GPD2: variants seen among roughly 807,000 people sequenced by gnomAD.
The protein encoded by GPD2 is glycerol-3-phosphate dehydrogenase 2.
In GPD2, 54 loss-of-function variants were observed where a neutral mutation model predicts 82.4. The ratio of observed to expected loss-of-function variants is 0.66; its 90% confidence interval spans 0.53 to 0.82. The LOEUF is 0.82. Among genes scored for constraint, GPD2 ranks in the 40% least tolerant of loss-of-function variants. The pLI is 0.00. For synonymous variants in GPD2, 288 were observed against 306.1 expected (o/e 0.94, Z 0.62); for missense variants, 748 against 896.2 (o/e 0.83, Z 2.11).
At chr2:156,537,036 C>T (rs1055356499) in intron 6 of GPD2, among the ~76,000 whole-genome samples, 1 of 152,180 alleles carries the variant, frequency 6.6e-6, no homozygotes, top group African/African-American at 2.4e-5. Context: ...TCTAGTTCAA[C>T]TAGGAGCACA....
intron 3 of GPD2, among the ~76,000 whole-genome samples, chr2:156,503,773 G>A (rs1223650179): frequency 6.6e-6 from 1 of 152,118 alleles, no homozygotes. Context: ...AGTTTTAATA[G>A]TTAACATTGT....
chr2:156,574,226 AC>A (rs113042541), intron 13 of GPD2, among the ~76,000 whole-genome samples: 8 of 152,138 alleles, frequency 5.3e-5, no homozygotes, highest in African/African-American at 1.7e-4. Flanking sequence ...AAAAAAAAAA[AC>A]ATTGCCAAAT....
At chr2:156,467,736 A>G (rs1683197270) in intron 1 of GPD2, among the ~76,000 whole-genome samples, 1 of 152,212 alleles carries the variant, frequency 6.6e-6, no homozygotes, top group African/African-American at 2.4e-5. Context: ...ACAACAACAA[A>G]AGAGGAGAAT....
intron 6 of GPD2, among the ~76,000 whole-genome samples, chr2:156,549,377 A>G (rs1463357434): frequency 6.6e-6 from 1 of 152,174 alleles, no homozygotes; most frequent in Admixed American, 6.5e-5. Context: ...TAGGAAAGGG[A>G]TATTTTCACT....
chr2:156,484,588 C>T (rs1182474024), intron 2 of GPD2, among the ~76,000 whole-genome samples: 1 of 151,890 alleles, frequency 6.6e-6, no homozygotes, highest in Non-Finnish European at 1.5e-5. Context: ...GCCTGTAATC[C>T]CAGCACTTTG....
intron 6 of GPD2, among the ~76,000 whole-genome samples, chr2:156,546,689 T>G (rs911626946): frequency 1.3e-5 from 2 of 152,162 alleles, no homozygotes; most frequent in African/African-American, 4.8e-5. Context: ...TGCATTTCCC[T>G]GCAAAGCAAG....
At chr2:156,437,595 C>T (rs142063852) in intron 1 of GPD2, among the ~76,000 whole-genome samples, 2 of 152,210 alleles carry the variant, frequency 1.3e-5, no homozygotes, top group East Asian at 1.9e-4. Context: ...CAAATCAACT[C>T]GTGAAATAAT....
chr2:156,406,970 G>C, the GPD2 span, among the ~76,000 whole-genome samples: 8 of 152,174 alleles, frequency 5.3e-5, no homozygotes, highest in Non-Finnish European at 1.2e-4. Context: ...CAGCACTTTG[G>C]GAGGCCAAGA....
At chr2:156,513,870 A>G (rs1177961070) in intron 6 of GPD2, among the ~76,000 whole-genome samples, 2 of 152,184 alleles carry the variant, frequency 1.3e-5, no homozygotes, top group African/African-American at 4.8e-5. Flanking sequence ...GCAGCTGAGG[A>G]TATGTTAGGT....
intron 6 of GPD2, among the ~76,000 whole-genome samples, chr2:156,535,280 AG>A (rs1686022045): frequency 6.6e-6 from 1 of 151,242 alleles, no homozygotes; most frequent in Non-Finnish European, 1.5e-5. Context: ...CAGGTGAGAG[AG>A]AGAGAGAGAA....
intron 1 of GPD2, among the ~76,000 whole-genome samples, chr2:156,463,221 A>T (rs1458864708): frequency 6.6e-6 from 1 of 152,228 alleles, no homozygotes; most frequent in Non-Finnish European, 1.5e-5. Flanking sequence ...ATATTATTTA[A>T]GAAGCCAAAG....
At chr2:156,424,095 G>A in the GPD2 span, among the ~76,000 whole-genome samples, 40 of 152,000 alleles carry the variant, frequency 2.6e-4, no homozygotes, top group African/African-American at 8.9e-4. Context: ...AGAACGTGGC[G>A]CAGTTGGATA....
intron 1 of GPD2, among the ~76,000 whole-genome samples, chr2:156,438,409 A>G (rs555450366): frequency 1.1e-4 from 16 of 152,324 alleles, no homozygotes; most frequent in African/African-American, 3.8e-4. Context: ...AATATGGGCA[A>G]AGAATGTAGT....
chr2:156,463,892 T>C (rs1400988733), intron 1 of GPD2, among the ~76,000 whole-genome samples: 4 of 152,348 alleles, frequency 2.6e-5, no homozygotes, highest in Non-Finnish European at 5.9e-5. Context: ...AGCTCTGTAG[T>C]GTTGATACCA....
chr2:156,535,462 A>AG (rs1686043813), intron 6 of GPD2, among the ~76,000 whole-genome samples: 2 of 103,928 alleles, frequency 1.9e-5, no homozygotes, highest in African/African-American at 3.6e-5. Flanking sequence ...GAGAGAGAGA[A>AG]AGAAAGACCT....
chr2:156,511,041 T>G (rs923118455), intron 4 of GPD2, 121 bp downstream of exon 4: 1 of 856,488 alleles, frequency 1.2e-6, no homozygotes, highest in Non-Finnish European at 2.0e-6. Context: ...AATACCTATT[T>G]AGTGTATTCT....
intron 6 of GPD2, among the ~76,000 whole-genome samples, chr2:156,539,717 G>A (rs1686231922): frequency 6.6e-6 from 1 of 152,138 alleles, no homozygotes; most frequent in Non-Finnish European, 1.5e-5. Context: ...GTAAAAAGTT[G>A]TGTGCATGTG....
rs1688087770 is a variant in GPD2 at position 156,583,064 on chromosome 2, T to C, written c.*146T>C. On this transcript the variant is annotated 3_prime_UTR_variant, in exon 17 of 17. Coordinates refer to ENST00000438166, the MANE Select transcript of GPD2 (RefSeq NM_000408.5). ...AAAACATTCCAAAACTTTAAGGTGT[T>C]GGTGTATTTGCCAGCTTTATTTGCT... 2 of 817,596 alleles carry C rather than the reference T, an allele frequency of 2.4e-6. No individual in the cohort carries two copies. Among genetic ancestry groups the C allele is most frequent in the African/African-American group, 1.7e-5 (1 of 59,126 alleles). The allele number at this position is 817,596 out of a possible 1,614,324, so 50.6% of individuals were successfully genotyped here. A position where few individuals can be genotyped will look rare whatever the true frequency, so the allele number is the denominator to read the frequency against.
chr2:156,498,610 ATGCT>A (rs1684472958), intron 3 of GPD2, among the ~76,000 whole-genome samples: 1 of 152,128 alleles, frequency 6.6e-6, no homozygotes, highest in Non-Finnish European at 1.5e-5. Flanking sequence ...TGGGTCTGGT[ATGCT>A]AGGGGAAAGC....
Sources: gnomAD v4.1 joint callset for allele counts (sites outside exome capture counted in the v4.1 genomes callset) on GRCh38, gnomAD v4.1.1 for gene constraint, MANE v1.5 for transcripts, NCBI Gene and HGNC (gene_info 2026-07-23, HGNC 2026-07-21) for gene names.